Variants in WWC2 observed in about 807,000 individuals in gnomAD.
WWC2 encodes WW and C2 domain containing 2, also known as protein WWC2.
In WWC2, 101 loss-of-function variants were observed where a neutral mutation model predicts 138.5. The ratio of observed to expected loss-of-function variants is 0.73; its 90% CI spans 0.62 to 0.86. WWC2 has a LOEUF of 0.86. WWC2 is among the 40% of genes least tolerant of loss of function. The pLI is 0.00. For synonymous variants in WWC2, 558 were observed against 538.4 expected (o/e 1.04, Z -0.50); for missense variants, 1,420 against 1,419.4 (o/e 1.00, Z -0.01).
chr4:183,135,840 T>C (rs1478878946), intron 1 of WWC2, among the ~76,000 whole-genome samples: 1 of 152,230 alleles, frequency 6.6e-6, no homozygotes, highest in Non-Finnish European at 1.5e-5. Context: ...AGTTATAGGC[T>C]GACAGTTATT....
At chr4:183,154,411 A>G (rs1002940187) in intron 1 of WWC2, among the ~76,000 whole-genome samples, 11 of 152,160 alleles carry the variant, frequency 7.2e-5, no homozygotes, top group African/African-American at 2.7e-4. Flanking sequence ...TATTTGGGTT[A>G]TGTGCCATTT....
intron 1 of WWC2, among the ~76,000 whole-genome samples, chr4:183,165,523 C>T (rs1734107775): frequency 6.6e-6 from 1 of 152,018 alleles, no homozygotes; most frequent in African/African-American, 2.4e-5. Flanking sequence ...ACACAGCAGG[C>T]CTTTTGAAGG....
At chr4:183,302,019 C>G (rs1369001314) in intron 21 of WWC2, among the ~76,000 whole-genome samples, 1 of 152,174 alleles carries the variant, frequency 6.6e-6, no homozygotes, top group Non-Finnish European at 1.5e-5. Flanking sequence ...GTTACTGTAA[C>G]TCATTATTTT....
At chr4:183,265,166 G>C in intron 12 of WWC2, 59 bp downstream of exon 12, 1 of 1,545,574 alleles carries the variant, frequency 6.5e-7, no homozygotes, top group Non-Finnish European at 8.7e-7. Flanking sequence ...GTGGATGTGG[G>C]TTATATGCTG....
intron 1 of WWC2, among the ~76,000 whole-genome samples, chr4:183,173,170 G>A (rs915384874): frequency 2.6e-5 from 4 of 151,956 alleles, no homozygotes; most frequent in African/African-American, 9.7e-5. Flanking sequence ...TCATCCTCCT[G>A]AGTAGCTGGG....
chr4:183,193,524 G>A, intron 1 of WWC2, 75 bp from the exon 2 acceptor site: 1 of 1,289,114 alleles, frequency 7.8e-7, no homozygotes, highest in Non-Finnish European at 1.1e-6. Flanking sequence ...AGACACTTGT[G>A]GTTAGGGTGC....
chr4:183,240,986 T>G (rs1311746903), intron 5 of WWC2, among the ~76,000 whole-genome samples: 2 of 152,150 alleles, frequency 1.3e-5, no homozygotes, highest in African/African-American at 2.4e-5. Flanking sequence ...ATCCAAACCG[T>G]GACAGGCACA....
At chr4:183,129,653 A>G (rs576967439) in intron 1 of WWC2, among the ~76,000 whole-genome samples, 1 of 152,166 alleles carries the variant, frequency 6.6e-6, no homozygotes, top group Admixed American at 6.6e-5. Flanking sequence ...GTTCTTTCTA[A>G]GTCTTGATAA....
chr4:183,152,428 G>A (rs1178377447), intron 1 of WWC2, among the ~76,000 whole-genome samples: 2 of 152,094 alleles, frequency 1.3e-5, no homozygotes, highest in South Asian at 2.1e-4. Flanking sequence ...GAACCCAGGA[G>A]GTGGAGGTTG....
At chr4:183,105,629 G>A (rs1242461678) in intron 1 of WWC2, among the ~76,000 whole-genome samples, 5 of 152,258 alleles carry the variant, frequency 3.3e-5, no homozygotes, top group East Asian at 1.9e-4. Context: ...TGTGGCTCAC[G>A]CCTGTAATCC....
intron 1 of WWC2, among the ~76,000 whole-genome samples, chr4:183,122,031 C>T (rs544392536): frequency 7.9e-5 from 12 of 152,012 alleles, no homozygotes; most frequent in South Asian, 2.1e-4. Flanking sequence ...GTGATCCGCC[C>T]GCTTCCGCCT....
intron 4 of WWC2, among the ~76,000 whole-genome samples, chr4:183,232,201 G>A (rs902601536): frequency 6.6e-6 from 1 of 152,090 alleles, no homozygotes; most frequent in African/African-American, 2.4e-5. Flanking sequence ...ATTAGTAGAT[G>A]ATTTTTAAAT....
At chr4:183,315,605 G>A (rs1739407282) in intron 22 of WWC2, 58 bp from the exon 23 acceptor site, 2 of 1,423,838 alleles carry the variant, frequency 1.4e-6, no homozygotes, top group Non-Finnish European at 2.0e-6. Flanking sequence ...TGTTTTAATG[G>A]TCCCAGAGTA....
Position 183,250,074 on chromosome 4 carries a change from G to A in WWC2, c.953+81G>A, listed in dbSNP as rs530337026. The stretch of plus-strand genomic sequence containing the variant: ...AATCTTTACTCCTGTGGTGACATCT[G>A]CTGGGCACTCCCCATACATTCTTAC... On this transcript the variant is annotated intron_variant, in intron 8 of 22. Transcript: ENST00000403733. 1,858 of 1,279,998 alleles carry A rather than the reference G, an allele frequency of 1.5e-3. 4 individuals are homozygous for A. Among genetic ancestry groups the A allele is most frequent in the Non-Finnish European group, 1.9e-3 (1,745 of 897,164 alleles). 79.3% of individuals were successfully genotyped at this position (1,279,998 alleles called of 1,614,324 possible).
chr4:183,312,374 C>G lies in WWC2; in HGVS notation c.3418C>G (p.Leu1140Val), dbSNP rs766790629. Residue 1140 changes from leucine (L) to valine (V), a missense_variant, in exon 22 of 23, where the codon CTG becomes GTG. Physicochemically the swap from Leu to Val is conservative, Grantham distance 32. Coordinates refer to ENST00000403733, the MANE Select transcript of WWC2 (RefSeq NM_024949.6). ...EQSKEEQKQG[L>V]NAEKLMRQVS... ...GTCCAAAGAAGAGCAGAAGCAAGGT[C>G]TGAATGCAGAGAAGTTGATGAGGCA... The G allele has an allele frequency of 6.2e-7, 1 of 1,613,746 alleles. No individual in the cohort carries two copies. The highest frequency in any genetic ancestry group is 1.1e-5 in the South Asian group (1 of 91,040).
intron 1 of WWC2, among the ~76,000 whole-genome samples, chr4:183,160,822 A>C (rs1212534848): frequency 6.6e-6 from 1 of 152,190 alleles, no homozygotes; most frequent in Non-Finnish European, 1.5e-5. Context: ...CCAGATTCCA[A>C]GGATTATTTA....
intron 6 of WWC2, among the ~76,000 whole-genome samples, chr4:183,246,802 T>G (rs1159527390): frequency 2.0e-5 from 3 of 152,184 alleles, no homozygotes; most frequent in African/African-American, 4.8e-5. Flanking sequence ...CTTGTGTGTA[T>G]TTTGGTTTTG....
At chr4:183,119,137 C>G (rs902358997) in intron 1 of WWC2, among the ~76,000 whole-genome samples, 1 of 151,932 alleles carries the variant, frequency 6.6e-6, no homozygotes, top group Admixed American at 6.6e-5. Flanking sequence ...CAGTGTTTAC[C>G]TAAATTAGTG....
Position 183,319,980 on chromosome 4 carries a change from G to C in WWC2, c.*4251G>C, listed in dbSNP as rs372994216. 2 of 1,613,502 alleles carry C rather than the reference G, an allele frequency of 1.2e-6. No homozygotes were observed. The highest frequency in any genetic ancestry group is 1.3e-5 in the African/African-American group (1 of 74,806). ...ATTTGACAGAAACATTAAGATCCTGGAGACCCTGAGTTCAGCAGGCAAAGC... is the reference window on the plus strand; with the variant it reads ...ATTTGACAGAAACATTAAGATCCTGCAGACCCTGAGTTCAGCAGGCAAAGC... On this transcript the variant is annotated 3_prime_UTR_variant, in exon 23 of 23. Coordinates refer to ENST00000403733, the MANE Select transcript of WWC2 (RefSeq NM_024949.6).
Sources: allele counts gnomAD v4.1 joint callset (sites outside exome capture counted in the v4.1 genomes callset), GRCh38; gene constraint gnomAD v4.1.1; transcripts MANE v1.5; gene names NCBI Gene and HGNC (gene_info 2026-07-23, HGNC 2026-07-21).